JOSD1: variants seen among roughly 807,000 people sequenced by gnomAD.
The protein encoded by JOSD1 is josephin-1.
JOSD1 carries 11 observed loss-of-function variants against 24.3 expected under a neutral mutation model. The observed-to-expected ratio is 0.45, with a 90% CI of 0.29 to 0.75. The LOEUF (loss-of-function observed/expected upper bound fraction) is 0.75, where lower values mean the gene tolerates loss of function less well. Among genes scored for constraint, JOSD1 ranks in the 30% least tolerant of loss-of-function variants. The pLI, the probability that JOSD1 is intolerant of heterozygous loss-of-function variation, is 0.11. For missense variants in JOSD1, 184 were observed against 253.5 expected, an observed-to-expected ratio of 0.73 and a Z score of 1.86; for synonymous variants, 106 against 93.8, an observed-to-expected ratio of 1.13 and a Z score of -0.75.
intron 2 of JOSD1, among the ~76,000 whole-genome samples, chr22:38,691,773 C>T (rs1177200181): frequency 6.6e-6 from 1 of 152,046 alleles, no homozygotes; most frequent in African/African-American, 2.4e-5. Flanking sequence ...CTTTTCTTGA[C>T]CACCCAACCA....
intron 2 of JOSD1, among the ~76,000 whole-genome samples, chr22:38,698,734 A>G (rs1011306972): frequency 1.3e-5 from 2 of 152,204 alleles, no homozygotes; most frequent in Non-Finnish European, 2.9e-5. Flanking sequence ...AAGTAATTCT[A>G]GAAAATCAAA....
At chr22:38,697,188 A>T (rs1029112454) in intron 2 of JOSD1, among the ~76,000 whole-genome samples, 5 of 152,220 alleles carry the variant, frequency 3.3e-5, no homozygotes, top group African/African-American at 1.2e-4. Context: ...TTGTTTAAAA[A>T]ATTCCATCTT....
intron 4 of JOSD1, among the ~76,000 whole-genome samples, 178 bp from the exon 5 acceptor site, chr22:38,688,179 CA>C (rs1485656379): frequency 1.3e-5 from 2 of 152,308 alleles, no homozygotes; most frequent in African/African-American, 4.8e-5. Context: ...GTTAAAATTC[CA>C]ACCTGAATTT....
intron 2 of JOSD1, among the ~76,000 whole-genome samples, chr22:38,698,557 T>C (rs77711238): frequency 0.025 from 3,800 of 152,276 alleles, 68 homozygotes; most frequent in Non-Finnish European, 0.036. Context: ...ATTGCTAATA[T>C]GCACTGCTTG....
At chr22:38,688,399 A>T (rs1169373877) in intron 4 of JOSD1, among the ~76,000 whole-genome samples, 1 of 152,082 alleles carries the variant, frequency 6.6e-6, no homozygotes, top group African/African-American at 2.4e-5. Flanking sequence ...ACCAGCTGGG[A>T]TTACAGGCGT....
At chr22:38,689,553 T>C (rs1434234752) in intron 2 of JOSD1, 129 bp from the exon 3 acceptor site, 6 of 1,189,758 alleles carry the variant, frequency 5.0e-6, no homozygotes, top group Non-Finnish European at 7.0e-6. Context: ...TCAAGTGCAA[T>C]TTCCCCAGCT....
In JOSD1 at chr22:38,687,323, A is replaced by C. The variant is rs1382588340; in HGVS notation, c.*579T>G. 2.6e-5 allele frequency: 4 copies of C among 152,786 alleles called. No individual in the cohort carries two copies. The East Asian group carries it at 7.7e-4, about 29-fold the overall frequency. The allele number at this position is 152,786 out of a possible 1,614,324, so 9.5% of individuals were successfully genotyped here. A position where few individuals can be genotyped will look rare whatever the true frequency, so the allele number is the denominator to read the frequency against. ...ACAAGAGTGAAACTCAGTCTCAAAA[A>C]CAACAACAAAAAACCTCCACGTATG... On this transcript the variant is annotated 3_prime_UTR_variant, in exon 5 of 5. Transcript: ENST00000683374.
chr22:38,688,711 C>T (rs2092508900), intron 4 of JOSD1, among the ~76,000 whole-genome samples: 1 of 152,170 alleles, frequency 6.6e-6, no homozygotes, highest in Admixed American at 6.5e-5. Flanking sequence ...GACTAGAAGG[C>T]TGGTATCCCA....
chr22:38,700,661 G>C (rs972917227), intron 1 of JOSD1, 43 bp from the exon 2 acceptor site: 2 of 981,992 alleles, frequency 2.0e-6, no homozygotes, highest in Non-Finnish European at 2.4e-6. Flanking sequence ...GAGCGGGCGC[G>C]GGAAGTGAGC....
intron 2 of JOSD1, among the ~76,000 whole-genome samples, chr22:38,695,478 C>T (rs2092542018): frequency 2.7e-5 from 4 of 145,610 alleles, no homozygotes; most frequent in Admixed American, 1.4e-4. Context: ...GATAAGGTCT[C>T]ACTCTTTTGC....
chr22:38,688,247 A>C (rs1178962620), intron 4 of JOSD1, among the ~76,000 whole-genome samples: 1 of 152,020 alleles, frequency 6.6e-6, no homozygotes, highest in Non-Finnish European at 1.5e-5. Flanking sequence ...ACAGTACCCA[A>C]AGTATATAAA....
intron 2 of JOSD1, among the ~76,000 whole-genome samples, chr22:38,696,256 A>T (rs1355666164): frequency 6.8e-6 from 1 of 146,060 alleles, no homozygotes; most frequent in African/African-American, 2.5e-5. Flanking sequence ...TTTTTTTGAG[A>T]GATGGGAGTC....
At chr22:38,699,701 C>T in intron 2 of JOSD1, 102 bp downstream of exon 2, 2 of 1,128,408 alleles carry the variant, frequency 1.8e-6, no homozygotes, top group Admixed American at 1.8e-5. Context: ...CGCAATCTAG[C>T]TAATACCTAC....
chr22:38,688,037 C>T, intron 4 of JOSD1, 36 bp from the exon 5 acceptor site: 3 of 1,518,498 alleles, frequency 2.0e-6, no homozygotes, highest in Non-Finnish European at 1.8e-6. Flanking sequence ...GAAATGCTGG[C>T]AAGTTGCAAA....
chr22:38,688,505 CA>C (rs1305133594), intron 4 of JOSD1, among the ~76,000 whole-genome samples: 2 of 152,160 alleles, frequency 1.3e-5, no homozygotes, highest in Non-Finnish European at 2.9e-5. Flanking sequence ...TCAGGTGATC[CA>C]CCCGCCTTGG....
At chr22:38,701,123 T>A (rs1312067074), upstream of JOSD1, 1 of 348,098 alleles carries the variant, frequency 2.9e-6, no homozygotes. Flanking sequence ...AGGGGCGCAG[T>A]TCAACGGTTG....
At chr22:38,689,912 CTGTGTGTGTGTGTGTGTG>C (rs57064558) in intron 2 of JOSD1, among the ~76,000 whole-genome samples, 1 of 144,530 alleles carries the variant, frequency 6.9e-6, no homozygotes, top group African/African-American at 2.6e-5. Flanking sequence ...TAAAGGCATT[CTGTGTGTGTGTGTGTGTG>C]TGTGTGTGTG....
intron 2 of JOSD1, 151 bp downstream of exon 2, chr22:38,699,652 G>T: frequency 1.4e-6 from 1 of 728,494 alleles, no homozygotes; most frequent in Non-Finnish European, 2.3e-6. Flanking sequence ...AAATGGTAGT[G>T]ATTATCTTTT....
At chr22:38,700,994 G>C (rs1416686954), upstream of JOSD1, 2 of 984,274 alleles carry the variant, frequency 2.0e-6, no homozygotes, top group Non-Finnish European at 1.2e-6. Context: ...GCCCCCGCCC[G>C]GCGCGTGCTC....
Sources: gnomAD v4.1 joint callset for allele counts (sites outside exome capture counted in the v4.1 genomes callset) on GRCh38, gnomAD v4.1.1 for gene constraint, MANE v1.5 for transcripts, NCBI Gene and HGNC (gene_info 2026-07-23, HGNC 2026-07-21) for gene names.